SNTG1: variants seen among roughly 807,000 people sequenced by gnomAD.
SNTG1 encodes gamma-1-syntrophin.
In SNTG1, 39 loss-of-function variants were observed where a neutral mutation model predicts 74.7. The observed-to-expected ratio is 0.52, with a 90% CI of 0.40 to 0.68. The LOEUF (loss-of-function observed/expected upper bound fraction) is 0.68. SNTG1 is among the 30% of genes least tolerant of loss of function. SNTG1 has a pLI of 0.00. For missense variants in SNTG1, 685 were observed against 609.5 expected, an observed-to-expected ratio of 1.12 and a Z score of -1.30; for synonymous variants, 254 against 217.1, an observed-to-expected ratio of 1.17 and a Z score of -1.49.
At chr8:49,977,854 T>C (rs1279691398) in intron 1 of SNTG1, among the ~76,000 whole-genome samples, 1 of 152,202 alleles carries the variant, frequency 6.6e-6, no homozygotes, top group South Asian at 2.1e-4. Context: ...GACTCTGTAG[T>C]GGAGATGTGG....
chr8:50,778,844 A>G (rs946553674), intron 18 of SNTG1, among the ~76,000 whole-genome samples: 3 of 151,894 alleles, frequency 2.0e-5, no homozygotes, highest in Non-Finnish European at 4.4e-5. Flanking sequence ...CAGGTCTAAC[A>G]TTTAAGTCTT....
rs557074209 is a variant in SNTG1, at chr8:50,422,714, T to A, written c.163-15829T>A. On this transcript the variant is annotated intron_variant, in intron 4 of 18. Coordinates refer to ENST00000642720, the MANE Select transcript of SNTG1 (RefSeq NM_018967.5). ...TGGTGGGGCCAGATGGAGCCAGGTG[T>A]TAGACATGCAGAAACCTGAAAAGAT... 3.4e-4 allele frequency among the ~76,000 whole-genome samples: 52 copies of A among 152,176 alleles called. No individual in the cohort carries two copies. The South Asian group carries it at 0.01, about 30-fold the overall frequency.
intron 15 of SNTG1, among the ~76,000 whole-genome samples, chr8:50,693,188 C>A (rs1306584740): frequency 1.3e-5 from 2 of 152,198 alleles, no homozygotes; most frequent in African/African-American, 2.4e-5. Context: ...AATTCCCTGA[C>A]CCCTTGCACT....
At chr8:50,105,768 A>C (rs2080347536) in intron 1 of SNTG1, among the ~76,000 whole-genome samples, 1 of 151,986 alleles carries the variant, frequency 6.6e-6, no homozygotes, top group African/African-American at 2.4e-5. Flanking sequence ...CTGTATTCCT[A>C]GGTATTTTAT....
intron 18 of SNTG1, among the ~76,000 whole-genome samples, chr8:50,785,046 T>G (rs1249058455): frequency 6.6e-6 from 1 of 152,018 alleles, no homozygotes; most frequent in African/African-American, 2.4e-5. Context: ...GCTACGCAGC[T>G]ATAGTTTGTT....
intron 1 of SNTG1, among the ~76,000 whole-genome samples, chr8:49,928,187 A>T (rs1807215408): frequency 2.7e-5 from 4 of 147,574 alleles, no homozygotes; most frequent in Admixed American, 1.4e-4. Flanking sequence ...AAATAAAAAT[A>T]AAAAAGATGG....
chr8:50,329,030 G>A (rs2090859805), intron 2 of SNTG1, among the ~76,000 whole-genome samples: 1 of 152,148 alleles, frequency 6.6e-6, no homozygotes, highest in African/African-American at 2.4e-5. Context: ...AGTCCCATGT[G>A]AGTCTGAAAT....
chr8:50,165,898 G>A (rs1327972959), intron 1 of SNTG1, among the ~76,000 whole-genome samples: 1 of 151,400 alleles, frequency 6.6e-6, no homozygotes, highest in Non-Finnish European at 1.5e-5. Flanking sequence ...AACCAAAACA[G>A]CATGGTACTG....
At chr8:50,253,001 G>A (rs962890374) in intron 2 of SNTG1, among the ~76,000 whole-genome samples, 6 of 152,294 alleles carry the variant, frequency 3.9e-5, no homozygotes, top group African/African-American at 1.4e-4. Flanking sequence ...CAAGTAGAAT[G>A]TCTATTATAT....
intron 2 of SNTG1, among the ~76,000 whole-genome samples, chr8:50,294,614 T>C (rs191422637): frequency 1.3e-5 from 2 of 152,278 alleles, no homozygotes; most frequent in Non-Finnish European, 2.9e-5. Flanking sequence ...TTAGTTCTAG[T>C]GAGGCCTTCA....
At chr8:50,678,935 T>A (rs535338658) in intron 15 of SNTG1, among the ~76,000 whole-genome samples, 1 of 152,232 alleles carries the variant, frequency 6.6e-6, no homozygotes, top group Admixed American at 6.6e-5. Context: ...AACACATACA[T>A]ACACAACTAT....
At chr8:50,113,503 T>C (rs973661976) in intron 1 of SNTG1, among the ~76,000 whole-genome samples, 5 of 152,314 alleles carry the variant, frequency 3.3e-5, no homozygotes, top group Non-Finnish European at 5.9e-5. Flanking sequence ...TGGGGTTTTC[T>C]AGATATACAA....
chr8:50,076,799 A>G (rs534651205), intron 1 of SNTG1, among the ~76,000 whole-genome samples: 1 of 152,302 alleles, frequency 6.6e-6, no homozygotes, highest in Non-Finnish European at 1.5e-5. Context: ...ATTATTTATA[A>G]TGTATACCGT....
chr8:50,498,702 T>C (rs1364088747), intron 8 of SNTG1, among the ~76,000 whole-genome samples: 1 of 151,878 alleles, frequency 6.6e-6, no homozygotes, highest in African/African-American at 2.4e-5. Flanking sequence ...AGTTTACTTT[T>C]AGAAGTTTTA....
At chr8:50,176,960 G>A (rs2083021859) in intron 2 of SNTG1, among the ~76,000 whole-genome samples, 1 of 152,114 alleles carries the variant, frequency 6.6e-6, no homozygotes, top group African/African-American at 2.4e-5. Context: ...ATCTCCCCCT[G>A]TTCAGTCAAG....
intron 18 of SNTG1, among the ~76,000 whole-genome samples, chr8:50,783,703 A>C (rs1310564839): frequency 6.6e-6 from 1 of 152,202 alleles, no homozygotes; most frequent in Non-Finnish European, 1.5e-5. Flanking sequence ...CGCTGCACCC[A>C]GTGTCCTGCG....
At chr8:50,357,921 G>A (rs971014476) in intron 2 of SNTG1, among the ~76,000 whole-genome samples, 3 of 152,096 alleles carry the variant, frequency 2.0e-5, no homozygotes, top group African/African-American at 7.2e-5. Context: ...ATATTTGATT[G>A]TGTCTCCGTT....
chr8:50,513,079 T>TAC (rs2094098058), intron 9 of SNTG1, among the ~76,000 whole-genome samples: 1 of 152,234 alleles, frequency 6.6e-6, no homozygotes, highest in Admixed American at 6.5e-5. Flanking sequence ...GATGGTGATG[T>TAC]ACAGATGGGG....
chr8:50,187,421 A>T (rs2083424156), intron 2 of SNTG1, among the ~76,000 whole-genome samples: 1 of 152,172 alleles, frequency 6.6e-6, no homozygotes, highest in Non-Finnish European at 1.5e-5. Flanking sequence ...TGGGGAAAGG[A>T]TTCCCTATTT....
Sources: allele counts gnomAD v4.1 joint callset (sites outside exome capture counted in the v4.1 genomes callset), GRCh38; gene constraint gnomAD v4.1.1; transcripts MANE v1.5; gene names NCBI Gene and HGNC (gene_info 2026-07-23, HGNC 2026-07-21).